Variants in PTPRN2 observed in about 807,000 individuals in gnomAD.
PTPRN2 encodes the protein receptor-type tyrosine-protein phosphatase N2.
In PTPRN2, 74 loss-of-function variants were observed where a neutral mutation model predicts 118.8. The ratio of observed to expected loss-of-function variants is 0.62; its 90% CI spans 0.52 to 0.76. The LOEUF is 0.76. PTPRN2 is among the 30% of genes least tolerant of loss of function. The probability of loss-of-function intolerance (pLI) is 0.00; values close to 1 mark genes in which losing one functional copy is unlikely to be tolerated. For missense variants in PTPRN2, 1,481 were observed against 1,394.4 expected, an observed-to-expected ratio of 1.06 and a Z score of -0.99; for synonymous variants, 641 against 608.0, an observed-to-expected ratio of 1.05 and a Z score of -0.80.
At chr7:158,463,406 ATTG>A (rs1819145310) in intron 2 of PTPRN2, among the ~76,000 whole-genome samples, 1 of 152,008 alleles carries the variant, frequency 6.6e-6, no homozygotes, top group African/African-American at 2.4e-5. Flanking sequence ...CACGACCATC[ATTG>A]TTGTCATCAT....
rs548242282 is a variant in PTPRN2 at position 158,020,350 on chromosome 7, C to G, written c.1723+60948G>C. On this transcript the variant is annotated intron_variant, in intron 11 of 22. Transcript: ENST00000389418. ...ACTTCTTACAGTGAGTGGGCTTTGC[C>G]TGAACTGAGCTCTCAGAGATGAGGG... Among the ~76,000 whole-genome samples the G allele has an allele frequency of 5.3e-5, 8 of 152,352 alleles. No homozygotes were observed. In the East Asian group the frequency reaches 1.2e-3, roughly 22 times the overall value.
At chr7:158,468,314 C>T (rs995818872) in intron 2 of PTPRN2, among the ~76,000 whole-genome samples, 3 of 152,170 alleles carry the variant, frequency 2.0e-5, no homozygotes, top group African/African-American at 4.8e-5. Context: ...ATTCCCTCAC[C>T]GCACCTTTGG....
chr7:158,245,903 T>A (rs1248154956), intron 3 of PTPRN2, among the ~76,000 whole-genome samples: 4 of 151,990 alleles, frequency 2.6e-5, no homozygotes, highest in Admixed American at 1.3e-4. Context: ...GGCATGGAGC[T>A]GGACATCAGT....
Position 158,314,595 on chromosome 7 carries a change from G to A in PTPRN2, c.277+2224C>T, listed in dbSNP as rs143816033. 2.0e-4 allele frequency among the ~76,000 whole-genome samples: 30 copies of A among 152,372 alleles called. 1 individual carries two copies. In the East Asian group the frequency reaches 5.8e-3, roughly 29 times the overall value. On this transcript the variant is annotated intron_variant, in intron 3 of 22. Coordinates refer to ENST00000389418, the MANE Select transcript of PTPRN2 (RefSeq NM_002847.5). The stretch of plus-strand genomic sequence containing the variant: ...CCCAAGCCGCCCTGGAGGCTCCCGT[G>A]GGGAAAGGGCTCAGGAGTCCAGTGT...
At chr7:157,767,367 G>A (rs931342216) in intron 12 of PTPRN2, among the ~76,000 whole-genome samples, 2 of 152,332 alleles carry the variant, frequency 1.3e-5, no homozygotes, top group East Asian at 3.9e-4. Flanking sequence ...CAATGAGACT[G>A]ACTGCCATGT....
chr7:157,613,546 G>T (rs1352362108), intron 15 of PTPRN2, among the ~76,000 whole-genome samples: 1 of 152,206 alleles, frequency 6.6e-6, no homozygotes. Flanking sequence ...CTCAGAAGCC[G>T]GCAGGGCGGG....
At chr7:158,054,407 C>T (rs955839015) in intron 11 of PTPRN2, among the ~76,000 whole-genome samples, 12 of 152,216 alleles carry the variant, frequency 7.9e-5, no homozygotes, top group African/African-American at 2.9e-4. Context: ...AAAAAGACTG[C>T]TGTGTGGGAT....
intron 1 of PTPRN2, among the ~76,000 whole-genome samples, chr7:158,548,562 G>T (rs577058115): frequency 7.9e-5 from 12 of 152,206 alleles, no homozygotes; most frequent in Non-Finnish European, 1.3e-4. Context: ...CTGGCTGCAA[G>T]CACATTTCTT....
intron 12 of PTPRN2, among the ~76,000 whole-genome samples, chr7:157,866,594 G>A (rs1033655820): frequency 1.3e-5 from 2 of 152,042 alleles, no homozygotes; most frequent in South Asian, 4.1e-4. Flanking sequence ...CATAGAGGTG[G>A]AGCTGAGGCT....
At chr7:157,768,647 A>G (rs1051661776) in intron 12 of PTPRN2, among the ~76,000 whole-genome samples, 3 of 152,216 alleles carry the variant, frequency 2.0e-5, no homozygotes, top group Non-Finnish European at 4.4e-5. Flanking sequence ...TTACAAAAAA[A>G]CCTAAACACA....
At chr7:158,342,478 A>T (rs1373085341) in intron 2 of PTPRN2, among the ~76,000 whole-genome samples, 16 of 58,390 alleles carry the variant, frequency 2.7e-4, no homozygotes, top group African/African-American at 1.3e-3. Flanking sequence ...AAGAGCTGAC[A>T]CCTGCAGACG....
chr7:158,138,231 A>C, intron 7 of PTPRN2, 63 bp downstream of exon 7: 3 of 1,471,190 alleles, frequency 2.0e-6, no homozygotes, highest in Non-Finnish European at 2.8e-6. Flanking sequence ...GTCTCTGCAC[A>C]GCCCTGAGGC....
Position 157,603,992 on chromosome 7 carries a change from G to C in PTPRN2, c.2418+10C>G. 6.2e-7 allele frequency: 1 copy of C among 1,613,336 alleles called. No homozygotes were observed. The highest frequency in any genetic ancestry group is 8.5e-7 in the Non-Finnish European group (1 of 1,179,498). The stretch of plus-strand genomic sequence containing the variant: ...AAAGCCTGGGGCCCCTGTCCCGGCA[G>C]TGCACTTACGATGGGGCTAGCGTTG... On this transcript the variant is annotated intron_variant, in intron 16 of 22. Coordinates refer to ENST00000389418, the MANE Select transcript of PTPRN2 (RefSeq NM_002847.5). The surrounding 1 kb of genome is among the most constrained non-coding windows in gnomAD (Gnocchi z 5.4).
chr7:158,580,678 C>T (rs1370616227), intron 1 of PTPRN2, among the ~76,000 whole-genome samples: 4 of 152,192 alleles, frequency 2.6e-5, no homozygotes, highest in Non-Finnish European at 2.9e-5. Context: ...TAATCCCTCT[C>T]TCATCCCTTA....
intron 11 of PTPRN2, among the ~76,000 whole-genome samples, chr7:157,989,772 C>T (rs144664734): frequency 4.2e-3 from 639 of 152,254 alleles, no homozygotes; most frequent in Non-Finnish European, 6.7e-3. Flanking sequence ...GATGGGAAAC[C>T]GGGGCTCAGG....
chr7:158,194,912 G>A (rs199580558), intron 4 of PTPRN2, among the ~76,000 whole-genome samples: 3 of 40,378 alleles, frequency 7.4e-5, no homozygotes, highest in African/African-American at 4.4e-4. Context: ...GCTCTGATGC[G>A]GTGTTGACAT....
At chr7:158,356,917 A>G (rs1808429903) in intron 2 of PTPRN2, among the ~76,000 whole-genome samples, 2 of 152,188 alleles carry the variant, frequency 1.3e-5, no homozygotes, top group African/African-American at 4.8e-5. Context: ...TCATCATCGA[A>G]ACTGTGGCTG....
At chr7:157,745,111 T>C (rs1638743) in intron 12 of PTPRN2, among the ~76,000 whole-genome samples, 3 of 152,058 alleles carry the variant, frequency 2.0e-5, no homozygotes, top group Admixed American at 6.5e-5. Flanking sequence ...CTAAGATTTA[T>C]AGACCGAGAC....
intron 20 of PTPRN2, among the ~76,000 whole-genome samples, chr7:157,570,801 G>A (rs765446926): frequency 1.3e-5 from 2 of 152,126 alleles, no homozygotes; most frequent in Non-Finnish European, 1.5e-5. Context: ...TCTGCTGGAC[G>A]TCCTGGTGGT....
Sources: allele counts gnomAD v4.1 joint callset (sites outside exome capture counted in the v4.1 genomes callset), GRCh38; gene constraint gnomAD v4.1.1; non-coding constraint Gnocchi (gnomAD v3.1); transcripts MANE v1.5; gene names NCBI Gene and HGNC (gene_info 2026-07-23, HGNC 2026-07-21).